CEP112: variants seen among roughly 807,000 people sequenced by gnomAD.
The protein encoded by CEP112 is centrosomal protein 112, also known as centrosomal protein of 112 kDa.
In CEP112, 127 loss-of-function variants were observed where a neutral mutation model predicts 153.0. That is an observed-to-expected ratio of 0.83 (90% CI 0.72 to 0.96). The LOEUF (loss-of-function observed/expected upper bound fraction) is 0.96, where lower values mean the gene tolerates loss of function less well. CEP112 is among the 40% of genes least tolerant of loss of function. The pLI is 0.00. For synonymous variants in CEP112, 358 were observed against 374.4 expected (o/e 0.96, Z 0.51); for missense variants, 1,089 against 1,101.2 (o/e 0.99, Z 0.16).
intron 7 of CEP112, 124 bp downstream of exon 7, chr17:66,096,461 G>C: frequency 8.7e-7 from 1 of 1,142,980 alleles, no homozygotes; most frequent in Non-Finnish European, 1.3e-6. Context: ...ACTTCCAAGT[G>C]ATAAAATTCA....
intron 23 of CEP112, among the ~76,000 whole-genome samples, chr17:65,726,436 G>A (rs1316942879): frequency 6.6e-6 from 1 of 152,138 alleles, no homozygotes; most frequent in Non-Finnish European, 1.5e-5. Flanking sequence ...GGAGGAGGGA[G>A]ATAAGACCTT....
In CEP112 at chr17:65,961,501, G is replaced by T; in HGVS notation, c.1834C>A (p.Leu612Met). The T allele has an allele frequency of 6.2e-7, 1 of 1,612,892 alleles. No individual in the cohort carries two copies. Among genetic ancestry groups the T allele is most frequent in the Non-Finnish European group, 8.5e-7 (1 of 1,179,012 alleles). The change falls in exon 18 of 27, where the codon CTG becomes ATG. Residue 612 changes from leucine (L) to methionine (M), a missense_variant. Leu to Met is a conservative substitution (Grantham distance 15). Transcript: ENST00000535342. Reference sequence around the variant, plus strand: ...TCAGCATAGACTTTCTCTGAGTTCAGTTCCACCTGCCGCTTAAACTCTTCC... The same window carrying T: ...TCAGCATAGACTTTCTCTGAGTTCATTTCCACCTGCCGCTTAAACTCTTCC... ...ALEEFKRQVE[L>M]NSEKVYAEMK...
intron 4 of CEP112, among the ~76,000 whole-genome samples, chr17:66,156,577 A>G (rs1265514275): frequency 6.6e-6 from 1 of 152,146 alleles, no homozygotes; most frequent in African/African-American, 2.4e-5. Flanking sequence ...GGTAATAACA[A>G]ACTCCTCTGA....
At chr17:65,960,874 G>A (rs1418274873) in intron 18 of CEP112, among the ~76,000 whole-genome samples, 6 of 152,116 alleles carry the variant, frequency 3.9e-5, no homozygotes, top group African/African-American at 1.4e-4. Context: ...TGAAAACAAA[G>A]TAAACTAAAA....
In CEP112 at chr17:65,655,318, G is replaced by C. The variant is rs2046006669; in HGVS notation, c.2698-14253C>G. On this transcript the variant is annotated intron_variant, in intron 24 of 26. Coordinates refer to ENST00000535342, the MANE Select transcript of CEP112 (RefSeq NM_001199165.4). Reference sequence around the variant, plus strand: ...ACCGCAGCCTCAGACACTACAGCTGGATTTCTCGATGAAAATCTTGCCAAA... The same window carrying C: ...ACCGCAGCCTCAGACACTACAGCTGCATTTCTCGATGAAAATCTTGCCAAA... 7 of 1,549,224 alleles carry C rather than the reference G, an allele frequency of 4.5e-6. No homozygotes were observed. In the Admixed American group the frequency reaches 1.2e-4, roughly 26 times the overall value.
At chr17:65,997,687 TTTA>T (rs1165515827) in intron 17 of CEP112, among the ~76,000 whole-genome samples, 1 of 152,172 alleles carries the variant, frequency 6.6e-6, no homozygotes, top group Non-Finnish European at 1.5e-5. Context: ...TTGGTTTGTC[TTTA>T]TTATTGTCAT....
chr17:65,727,292 T>C (rs780550313), intron 23 of CEP112, among the ~76,000 whole-genome samples: 1 of 152,230 alleles, frequency 6.6e-6, no homozygotes, highest in African/African-American at 2.4e-5. Context: ...TGATGTTCTA[T>C]GAATTCTGCT....
chr17:65,826,516 C>T, intron 21 of CEP112: 3 of 1,388,856 alleles, frequency 2.2e-6, no homozygotes, highest in African/African-American at 2.9e-5. Flanking sequence ...AACCACACTG[C>T]CTGGCTCAGT....
intron 24 of CEP112, among the ~76,000 whole-genome samples, chr17:65,679,912 G>A (rs552617901): frequency 4.6e-5 from 7 of 152,292 alleles, no homozygotes; most frequent in East Asian, 1.9e-4. Context: ...TTCCAGAGTC[G>A]TCTAATATTA....
At chr17:65,779,848 C>T (rs1446823591) in intron 21 of CEP112, among the ~76,000 whole-genome samples, 2 of 151,980 alleles carry the variant, frequency 1.3e-5, no homozygotes, top group African/African-American at 4.8e-5. Context: ...TTATCAATAC[C>T]CCTATTTACT....
intron 18 of CEP112, among the ~76,000 whole-genome samples, chr17:65,958,282 T>C (rs1417034428): frequency 6.6e-6 from 1 of 152,224 alleles, no homozygotes; most frequent in Non-Finnish European, 1.5e-5. Context: ...ATTGTTTTTG[T>C]AAGCAAAAAA....
chr17:65,918,179 C>CAAG (rs758981447), intron 19 of CEP112, among the ~76,000 whole-genome samples: 1 of 117,058 alleles, frequency 8.5e-6, no homozygotes, highest in Non-Finnish European at 1.8e-5. Flanking sequence ...GACTCTGTCT[C>CAAG]AAAAAAAAAA....
At chr17:65,870,447 A>G (rs954624281) in intron 20 of CEP112, among the ~76,000 whole-genome samples, 1 of 152,214 alleles carries the variant, frequency 6.6e-6, no homozygotes, top group Non-Finnish European at 1.5e-5. Flanking sequence ...TATCTACTAC[A>G]CGTAAAATAG....
intron 20 of CEP112, among the ~76,000 whole-genome samples, chr17:65,867,216 C>T (rs1250562426): frequency 4.6e-5 from 7 of 152,182 alleles, no homozygotes; most frequent in South Asian, 2.1e-4. Flanking sequence ...TGGAGCTGCC[C>T]GCCCCACCGC....
chr17:66,053,052 A>G (rs1041147858), intron 12 of CEP112, among the ~76,000 whole-genome samples: 2 of 151,760 alleles, frequency 1.3e-5, no homozygotes, highest in Non-Finnish European at 2.9e-5. Context: ...GGTTGCAGTG[A>G]GCTGAGACTA....
chr17:66,028,061 TA>T (rs2065296649), intron 15 of CEP112, among the ~76,000 whole-genome samples: 2 of 107,072 alleles, frequency 1.9e-5, no homozygotes, highest in African/African-American at 3.8e-5. Context: ...TATATTTAAA[TA>T]AAATTTATTT....
chr17:65,701,978 C>G (rs960694952), intron 23 of CEP112, among the ~76,000 whole-genome samples: 1 of 148,832 alleles, frequency 6.7e-6, no homozygotes, highest in Non-Finnish European at 1.5e-5. Flanking sequence ...TGGCTTCAAG[C>G]AATTCTCCTG....
At chr17:65,926,473 G>A (rs1002736390) in intron 19 of CEP112, among the ~76,000 whole-genome samples, 7 of 152,274 alleles carry the variant, frequency 4.6e-5, no homozygotes, top group African/African-American at 1.7e-4. Context: ...AGCATTTTGG[G>A]AGGCTGAGGT....
At chr17:65,785,842 T>A (rs2054249880) in intron 21 of CEP112, among the ~76,000 whole-genome samples, 1 of 152,150 alleles carries the variant, frequency 6.6e-6, no homozygotes, top group Non-Finnish European at 1.5e-5. Flanking sequence ...CTTTTATGTG[T>A]ATCTTGTGAG....
Sources: allele counts gnomAD v4.1 joint callset (sites outside exome capture counted in the v4.1 genomes callset), GRCh38; gene constraint gnomAD v4.1.1; transcripts MANE v1.5; gene names NCBI Gene and HGNC (gene_info 2026-07-23, HGNC 2026-07-21).